CPS1: variants seen among roughly 807,000 people sequenced by gnomAD.
The protein encoded by CPS1 is carbamoyl-phosphate synthase [ammonia], mitochondrial.
In CPS1, 109 loss-of-function variants were observed where a neutral mutation model predicts 174.6. The ratio of observed to expected loss-of-function variants is 0.62; its 90% CI spans 0.53 to 0.73. The LOEUF is 0.73. CPS1 is among the 30% of genes least tolerant of loss of function. The pLI, the probability that CPS1 is intolerant of heterozygous loss-of-function variation, is 0.00. For missense variants in CPS1, 1,689 were observed against 1,821.9 expected, an observed-to-expected ratio of 0.93 and a Z score of 1.33; for synonymous variants, 637 against 632.0, an observed-to-expected ratio of 1.01 and a Z score of -0.12.
chr2:210,671,047 A>G (rs1022377843), intron 34 of CPS1, among the ~76,000 whole-genome samples: 3 of 152,162 alleles, frequency 2.0e-5, no homozygotes, highest in African/African-American at 7.2e-5. Context: ...ATTTCTAGCC[A>G]CCTTTCATCG....
chr2:210,487,487 G>C (rs1694761969), intron 1 of CPS1, among the ~76,000 whole-genome samples: 1 of 152,218 alleles, frequency 6.6e-6, no homozygotes, highest in African/African-American at 2.4e-5. Context: ...CACACAGTGG[G>C]CTTGTCTAAG....
At chr2:210,507,054 C>T (rs1442770540) in intron 1 of CPS1, among the ~76,000 whole-genome samples, 3 of 152,158 alleles carry the variant, frequency 2.0e-5, no homozygotes, top group African/African-American at 7.2e-5. Flanking sequence ...TCAAGAAGAG[C>T]AACTCCAAGA....
At chr2:210,506,070 A>T (rs1357559695) in intron 1 of CPS1, among the ~76,000 whole-genome samples, 1 of 152,080 alleles carries the variant, frequency 6.6e-6, no homozygotes, top group Non-Finnish European at 1.5e-5. Context: ...GGAGATCTGG[A>T]ATGGACAGAC....
chr2:210,511,719 T>G (rs945503026), intron 1 of CPS1, among the ~76,000 whole-genome samples: 2 of 151,894 alleles, frequency 1.3e-5, no homozygotes, highest in African/African-American at 2.4e-5. Flanking sequence ...TAGAACAACA[T>G]AGAAAGGAGC....
chr2:210,508,436 A>G (rs1343056283), intron 1 of CPS1, among the ~76,000 whole-genome samples: 4 of 151,984 alleles, frequency 2.6e-5, no homozygotes, highest in Non-Finnish European at 5.9e-5. Context: ...GGAAAGATCT[A>G]AAATTGACAC....
chr2:210,631,583 T>C (rs1225396388), intron 21 of CPS1, among the ~76,000 whole-genome samples: 1 of 152,204 alleles, frequency 6.6e-6, no homozygotes, highest in Non-Finnish European at 1.5e-5. Flanking sequence ...TTTTTCACCT[T>C]CTAAAATTTC....
Position 210,656,582 on chromosome 2 carries a change from G to T in CPS1, c.3616G>T (p.Ala1206Ser). The T allele has an allele frequency of 6.2e-7, 1 of 1,611,022 alleles. No homozygotes were observed. Among genetic ancestry groups the T allele is most frequent in the Non-Finnish European group, 8.5e-7 (1 of 1,179,662 alleles). Residue 1206 changes from alanine to serine, a missense_variant, in exon 30 of 38, where the codon GCC becomes TCC. Physicochemically the swap from Ala to Ser is moderately conservative, Grantham distance 99. Coordinates refer to ENST00000233072, the MANE Select transcript of CPS1 (RefSeq NM_001875.5). Reference sequence around the variant, plus strand: ...AGATGCAGGTGTCCACTCGGGAGATGCCACTCTGATGCTGCCCACACAAAC... The same window carrying T: ...AGATGCAGGTGTCCACTCGGGAGATTCCACTCTGATGCTGCCCACACAAAC... ...VEDAGVHSGDATLMLPTQTIS... is the reference protein window; with the variant it reads ...VEDAGVHSGDSTLMLPTQTIS...
intron 1 of CPS1, among the ~76,000 whole-genome samples, chr2:210,492,960 A>G (rs1050916493): frequency 3.9e-4 from 59 of 152,192 alleles, no homozygotes; most frequent in African/African-American, 1.3e-3. Context: ...TGACACATAG[A>G]TTTTCAAGAC....
At chr2:210,517,150 A>T (rs1695704265) in intron 1 of CPS1, among the ~76,000 whole-genome samples, 1 of 152,006 alleles carries the variant, frequency 6.6e-6, no homozygotes, top group African/African-American at 2.4e-5. Context: ...TATTAATAAC[A>T]CTAACCTAAG....
chr2:210,648,580 AT>A (rs1472817511), intron 27 of CPS1, 40 bp downstream of exon 27: 1 of 1,516,848 alleles, frequency 6.6e-7, no homozygotes, highest in Non-Finnish European at 9.2e-7. Flanking sequence ...TGATTCAAAA[AT>A]TGGGAGATAC....
At chr2:210,656,708 TTA>T in intron 30 of CPS1, 76 bp downstream of exon 30, 5 of 1,096,472 alleles carry the variant, frequency 4.6e-6, no homozygotes, top group Non-Finnish European at 5.5e-6. Context: ...TTTTTTTTTT[TTA>T]AAGCTAGGTA....
rs1297884807 is a variant in CPS1, at chr2:210,592,966, A to G, written c.1164+10A>G. The G allele has an allele frequency of 6.2e-7, 1 of 1,609,800 alleles. No individual in the cohort carries two copies. The highest frequency in any genetic ancestry group is 8.5e-7 in the Non-Finnish European group (1 of 1,176,634). ...GCCAATAGACACTGAGGTACGTCAA[A>G]AAGATGAGGCCTATTATGTATGCAA... On this transcript the variant is annotated intron_variant, in intron 11 of 37. Transcript: ENST00000233072.
intron 2 of CPS1, 21 bp downstream of exon 2, chr2:210,573,428 G>A (rs369291087): frequency 1.4e-4 from 211 of 1,557,588 alleles, no homozygotes; most frequent in East Asian, 2.2e-5. Flanking sequence ...CTTTTCCAAG[G>A]CTTTATTTTT....
chr2:210,501,861 C>G (rs558262869), intron 1 of CPS1, among the ~76,000 whole-genome samples: 2 of 152,260 alleles, frequency 1.3e-5, no homozygotes, highest in African/African-American at 4.8e-5. Flanking sequence ...CAGCAGCCTC[C>G]CATTACCCAG....
chr2:210,666,206 A>T (rs1481238772), intron 33 of CPS1, among the ~76,000 whole-genome samples: 1 of 150,418 alleles, frequency 6.6e-6, no homozygotes, highest in South Asian at 2.1e-4. Flanking sequence ...GTTTGAGTTC[A>T]TTGTAGATTC....
rs746986500 is a variant in CPS1, at chr2:210,606,956, A to G, written c.2192+15A>G. The G allele has an allele frequency of 2.5e-6, 4 of 1,606,062 alleles. No individual in the cohort carries two copies. The highest frequency in any genetic ancestry group is 3.4e-6 in the Non-Finnish European group (4 of 1,174,132). ...AAAGCCACTGGGTAAGACCAGAATAATTGACCATGGGTTTGCAGATTCTTT... is the reference window on the plus strand; with the variant it reads ...AAAGCCACTGGGTAAGACCAGAATAGTTGACCATGGGTTTGCAGATTCTTT... On this transcript the variant is annotated intron_variant, in intron 18 of 37. Coordinates refer to ENST00000233072, the MANE Select transcript of CPS1 (RefSeq NM_001875.5).
In CPS1 at chr2:210,556,659, T is replaced by G; in HGVS notation, c.-75T>G. ...GCACCCCTCCCAGATTTCTTTTACA[T>G]TAACTAAAAAGTCTTATCACACAAT... On this transcript the variant is annotated 5_prime_UTR_variant, in exon 1 of 38. Coordinates refer to ENST00000233072, the MANE Select transcript of CPS1 (RefSeq NM_001875.5). 6.3e-7 allele frequency: 1 copy of G among 1,595,910 alleles called. No individual in the cohort carries two copies. The highest frequency in any genetic ancestry group is 1.1e-5 in the South Asian group (1 of 88,890).
chr2:210,540,930 CTTAG>C (rs996785318), intron 1 of CPS1, among the ~76,000 whole-genome samples: 2 of 152,060 alleles, frequency 1.3e-5, no homozygotes, highest in Non-Finnish European at 2.9e-5. Flanking sequence ...AATGTTATTC[CTTAG>C]TTAGCTTAGT....
intron 1 of CPS1, among the ~76,000 whole-genome samples, chr2:210,480,415 C>T (rs138678536): frequency 4.4e-4 from 67 of 152,298 alleles, no homozygotes; most frequent in African/African-American, 1.5e-3. Flanking sequence ...CAGTTAATGT[C>T]CTCCAATACA....
Sources: gnomAD v4.1 joint callset for allele counts (sites outside exome capture counted in the v4.1 genomes callset) on GRCh38, gnomAD v4.1.1 for gene constraint, MANE v1.5 for transcripts, NCBI Gene and HGNC (gene_info 2026-07-23, HGNC 2026-07-21) for gene names.